The following TRPS1 variants were observed in gnomAD, a reference collection of about 807,000 sequenced individuals.
The protein encoded by TRPS1 is zinc finger transcription factor Trps1.
A neutral mutation model predicts 101.2 loss-of-function variants in TRPS1; 6 were observed. The observed-to-expected ratio is 0.06, with a 90% confidence interval of 0.03 to 0.12. The LOEUF (loss-of-function observed/expected upper bound fraction) is 0.12. TRPS1 is among the 10% of genes least tolerant of loss of function. TRPS1 has a pLI of 1.00. For synonymous variants in TRPS1, 578 were observed against 589.8 expected, an observed-to-expected ratio of 0.98 and a Z score of 0.29; for missense variants, 1,363 against 1,567.0, an observed-to-expected ratio of 0.87 and a Z score of 2.20.
chr8:115,621,655 C>T (rs1490907335), intron 2 of TRPS1, among the ~76,000 whole-genome samples: 1 of 152,184 alleles, frequency 6.6e-6, no homozygotes, highest in African/African-American at 2.4e-5. Flanking sequence ...GGGCTCACGC[C>T]TGTAATCCCA....
At chr8:115,425,506 T>A (rs1429316947) in intron 5 of TRPS1, among the ~76,000 whole-genome samples, 2 of 152,194 alleles carry the variant, frequency 1.3e-5, no homozygotes, top group African/African-American at 4.8e-5. Context: ...CATACTCCAG[T>A]AATCATACCT....
At chr8:115,524,784 G>A (rs2130242343) in intron 5 of TRPS1, among the ~76,000 whole-genome samples, 1 of 152,204 alleles carries the variant, frequency 6.6e-6, no homozygotes, top group South Asian at 2.1e-4. Context: ...ATCTAATGAT[G>A]TATGAATGCA....
At chr8:115,551,545 C>T (rs1305607448) in intron 5 of TRPS1, among the ~76,000 whole-genome samples, 3 of 152,066 alleles carry the variant, frequency 2.0e-5, no homozygotes, top group Non-Finnish European at 2.9e-5. Flanking sequence ...TCTTTATCAT[C>T]AAAGCTGGAT....
intron 1 of TRPS1, among the ~76,000 whole-genome samples, chr8:115,646,579 GC>G (rs954147787): frequency 3.3e-5 from 5 of 152,130 alleles, no homozygotes; most frequent in African/African-American, 7.2e-5. Flanking sequence ...TAATAAGTAT[GC>G]CCCCCATACT....
intron 3 of TRPS1, among the ~76,000 whole-genome samples, chr8:115,609,321 A>G (rs561470723): frequency 1.4e-4 from 21 of 152,318 alleles, no homozygotes; most frequent in Admixed American, 5.2e-4. Flanking sequence ...TTCAGTGACA[A>G]ACTCACACAC....
chr8:115,623,381 C>A (rs991238473), intron 2 of TRPS1, among the ~76,000 whole-genome samples: 1 of 151,904 alleles, frequency 6.6e-6, no homozygotes, highest in African/African-American at 2.4e-5. Flanking sequence ...GGAATTATAT[C>A]ATCGTAATTT....
intron 5 of TRPS1, among the ~76,000 whole-genome samples, chr8:115,502,683 G>A (rs1404282200): frequency 6.6e-6 from 1 of 152,138 alleles, no homozygotes; most frequent in Non-Finnish European, 1.5e-5. Context: ...ATCAGGAAGT[G>A]GTGGCGGTGA....
In TRPS1 at chr8:115,580,220, T is replaced by C. The variant is rs552471624; in HGVS notation, c.2700+6781A>G. On this transcript the variant is annotated intron_variant, in intron 5 of 6. Transcript: ENST00000395715. Reference sequence around the variant, plus strand: ...AAGGAAAGTTTTGAACAGTATCTAATGGAAGGGAGAGAAGAAAAAAAAAAA... The same window carrying C: ...AAGGAAAGTTTTGAACAGTATCTAACGGAAGGGAGAGAAGAAAAAAAAAAA... Among the ~76,000 whole-genome samples, 18 of 128,738 alleles carry C rather than the reference T, an allele frequency of 1.4e-4. No individual in the cohort carries two copies. The South Asian group carries it at 4.1e-3, about 30-fold the overall frequency. 84.5% of individuals were successfully genotyped at this position (128,738 alleles called of 152,430 possible). A position where few individuals can be genotyped will look rare whatever the true frequency, so the allele number is the denominator to read the frequency against.
chr8:115,622,137 C>G (rs1227916301), intron 2 of TRPS1, among the ~76,000 whole-genome samples: 1 of 151,974 alleles, frequency 6.6e-6, no homozygotes, highest in Non-Finnish European at 1.5e-5. Flanking sequence ...ATGAGCTTCC[C>G]ATCTTGGTGT....
intron 5 of TRPS1, among the ~76,000 whole-genome samples, chr8:115,556,605 G>A (rs1466557368): frequency 6.6e-6 from 1 of 152,064 alleles, no homozygotes; most frequent in Non-Finnish European, 1.5e-5. Flanking sequence ...CCTGTGTTCT[G>A]CTTTACAAAA....
At chr8:115,571,979 A>T (rs1817214442) in intron 5 of TRPS1, among the ~76,000 whole-genome samples, 1 of 152,050 alleles carries the variant, frequency 6.6e-6, no homozygotes, top group East Asian at 1.9e-4. Flanking sequence ...TTATATATTT[A>T]AAAGAAGATA....
intron 3 of TRPS1, among the ~76,000 whole-genome samples, chr8:115,609,547 C>T (rs1242825222): frequency 2.0e-5 from 3 of 152,204 alleles, no homozygotes; most frequent in South Asian, 4.1e-4. Flanking sequence ...ACCTGAGATT[C>T]GCTGGCCACA....
rs1004674599 is a variant in TRPS1, at chr8:115,475,648, C to A, written c.2701-57196G>T. Among the ~76,000 whole-genome samples the A allele has an allele frequency of 3.6e-5, 5 of 139,746 alleles. No homozygotes were observed. The East Asian group carries it at 5.8e-4, about 16-fold the overall frequency. 91.7% of individuals were successfully genotyped at this position (139,746 alleles called of 152,430 possible). On this transcript the variant is annotated intron_variant, in intron 5 of 6. Transcript: ENST00000395715. ...ATTATACTAAATAGTAAACCACAGACATAAACTTTAGCAGTGCTATCTCGT... is the reference window on the plus strand; with the variant it reads ...ATTATACTAAATAGTAAACCACAGAAATAAACTTTAGCAGTGCTATCTCGT...
At chr8:115,486,377 T>A (rs1194532867) in intron 5 of TRPS1, among the ~76,000 whole-genome samples, 2 of 152,124 alleles carry the variant, frequency 1.3e-5, no homozygotes, top group Non-Finnish European at 1.5e-5. Context: ...GATATGACAA[T>A]ATTGAACTTA....
intron 5 of TRPS1, among the ~76,000 whole-genome samples, chr8:115,570,709 A>ACTCT (rs3837177): frequency 3.3e-5 from 5 of 150,972 alleles, no homozygotes; most frequent in Non-Finnish European, 7.4e-5. Flanking sequence ...ACACACACAC[A>ACTCT]CACACACACA....
intron 4 of TRPS1, among the ~76,000 whole-genome samples, chr8:115,602,164 C>T (rs531598660): frequency 2.7e-4 from 41 of 151,760 alleles, no homozygotes; most frequent in African/African-American, 9.2e-4. Context: ...TGTGTGTGTG[C>T]GCACATACGT....
At chr8:115,496,808 C>G (rs1263132545) in intron 5 of TRPS1, among the ~76,000 whole-genome samples, 1 of 152,098 alleles carries the variant, frequency 6.6e-6, no homozygotes, top group Non-Finnish European at 1.5e-5. Context: ...ATATTTATTA[C>G]AACAGTTAGC....
At chr8:115,498,415 C>CTCTCTCTCTCTA (rs1486361297) in intron 5 of TRPS1, among the ~76,000 whole-genome samples, 8 of 39,314 alleles carry the variant, frequency 2.0e-4, no homozygotes, top group Admixed American at 3.6e-4. Context: ...CTCTCTCTCT[C>CTCTCTCTCTCTA]TATATATATA....
chr8:115,428,543 C>T (rs532713348), intron 5 of TRPS1, among the ~76,000 whole-genome samples: 4 of 152,194 alleles, frequency 2.6e-5, no homozygotes, highest in East Asian at 1.9e-4. Context: ...CAAAAACATA[C>T]GGGAATACAT....
Sources: allele counts gnomAD v4.1 joint callset (sites outside exome capture counted in the v4.1 genomes callset), GRCh38; gene constraint gnomAD v4.1.1; transcripts MANE v1.5; gene names NCBI Gene and HGNC (gene_info 2026-07-23, HGNC 2026-07-21).